SLC24A3: variants seen among roughly 807,000 people sequenced by gnomAD.
The protein encoded by SLC24A3 is sodium/potassium/calcium exchanger 3.
Under a neutral mutation model 75.8 loss-of-function variants are expected in SLC24A3, and 28 were observed. That is an observed-to-expected ratio of 0.37 (90% CI 0.27 to 0.51). The LOEUF (loss-of-function observed/expected upper bound fraction) is 0.51. Ranked by LOEUF, SLC24A3 falls within the 20% of genes least tolerant of loss-of-function variation. The pLI is 0.94. For synonymous variants in SLC24A3, 372 were observed against 334.1 expected (o/e 1.11, Z -1.24); for missense variants, 663 against 847.8 (o/e 0.78, Z 2.71).
intron 3 of SLC24A3, among the ~76,000 whole-genome samples, chr20:19,517,027 A>C (rs934955639): frequency 1.3e-5 from 2 of 152,214 alleles, no homozygotes; most frequent in African/African-American, 4.8e-5. Flanking sequence ...ACTCCCAAAA[A>C]AGGGAGCATG....
intron 2 of SLC24A3, among the ~76,000 whole-genome samples, chr20:19,418,125 A>C (rs541298127): frequency 6.6e-6 from 1 of 152,330 alleles, no homozygotes; most frequent in Admixed American, 6.5e-5. Flanking sequence ...ATGAAAAAAC[A>C]ACAAGGGATC....
Position 19,503,343 on chromosome 20 carries a change from T to C in SLC24A3, c.272-12145T>C, listed in dbSNP as rs541345412. 2.6e-4 allele frequency among the ~76,000 whole-genome samples: 39 copies of C among 152,356 alleles called. 1 individual carries two copies. The highest frequency in any genetic ancestry group is 2.5e-3 in the South Asian group (12 of 4,828). The stretch of plus-strand genomic sequence containing the variant: ...GAACAAATGAATTACATTTTTGGTT[T>C]GAATTAATTATGCTCTTTTCTTAAT... On this transcript the variant is annotated intron_variant, in intron 2 of 16. Transcript: ENST00000328041.
intron 1 of SLC24A3, among the ~76,000 whole-genome samples, chr20:19,275,832 C>T (rs755550051): frequency 9.9e-4 from 151 of 152,146 alleles, no homozygotes; most frequent in Admixed American, 5.2e-4. Flanking sequence ...CTCCTGTCCC[C>T]TCTTCTTAGA....
chr20:19,503,829 A>T (rs1006586226), intron 2 of SLC24A3, among the ~76,000 whole-genome samples: 9 of 152,254 alleles, frequency 5.9e-5, no homozygotes, highest in African/African-American at 1.9e-4. Flanking sequence ...TTCCCTGAAG[A>T]TACCAAATAC....
At chr20:19,432,332 C>A (rs1987118920) in intron 2 of SLC24A3, among the ~76,000 whole-genome samples, 2 of 148,824 alleles carry the variant, frequency 1.3e-5, no homozygotes, top group African/African-American at 4.9e-5. Flanking sequence ...TCCTAATAAA[C>A]AATTTTCAGA....
intron 14 of SLC24A3, 37 bp downstream of exon 14, chr20:19,696,948 AGGGAGGAGG>A: frequency 3.6e-6 from 2 of 551,414 alleles, no homozygotes; most frequent in Non-Finnish European, 6.5e-6. Flanking sequence ...GGAGGGAGGG[AGGGAGGAGG>A]AGAGGGAGGG....
intron 2 of SLC24A3, among the ~76,000 whole-genome samples, chr20:19,469,512 C>T (rs771869530): frequency 6.6e-6 from 1 of 152,122 alleles, no homozygotes; most frequent in Non-Finnish European, 1.5e-5. Flanking sequence ...GAGCACTCCA[C>T]GTAGCTGCAT....
intron 2 of SLC24A3, among the ~76,000 whole-genome samples, chr20:19,425,267 C>T (rs930715627): frequency 1.7e-4 from 25 of 151,472 alleles, no homozygotes; most frequent in African/African-American, 5.6e-4. Flanking sequence ...TGTGCCACTG[C>T]ACTCCAGCCT....
intron 6 of SLC24A3, among the ~76,000 whole-genome samples, chr20:19,646,920 T>C (rs1205702011): frequency 6.6e-6 from 1 of 152,090 alleles, no homozygotes; most frequent in Non-Finnish European, 1.5e-5. Context: ...CATTTTTGGT[T>C]AGACAGTCCT....
At chr20:19,354,002 A>G (rs1985627954) in intron 2 of SLC24A3, among the ~76,000 whole-genome samples, 1 of 152,242 alleles carries the variant, frequency 6.6e-6, no homozygotes, top group Non-Finnish European at 1.5e-5. Flanking sequence ...AGATGTTCAC[A>G]TGAATGTTTA....
chr20:19,693,217 TA>T (rs766234361), intron 12 of SLC24A3, 41 bp from the exon 13 acceptor site: 12 of 1,559,940 alleles, frequency 7.7e-6, no homozygotes, highest in South Asian at 2.3e-5. Flanking sequence ...GGTTCTTTGT[TA>T]TTTTTTTTTT....
intron 2 of SLC24A3, among the ~76,000 whole-genome samples, chr20:19,432,269 GTT>G (rs1284900940): frequency 2.9e-5 from 3 of 105,116 alleles, no homozygotes; most frequent in East Asian, 9.0e-4. Flanking sequence ...ATATATATCT[GTT>G]TTATATATAT....
At position 19,646,589 on chromosome 20, in the gene SLC24A3, A is replaced by G. The variant is rs556641400; in HGVS notation, c.613-7473A>G. 2.0e-5 allele frequency among the ~76,000 whole-genome samples: 3 copies of G among 152,314 alleles called. No homozygotes were observed. The East Asian group carries it at 5.8e-4, about 29-fold the overall frequency. ...AATAGCGTTTTTATTGAAGCACCAC[A>G]TACACTTAGGAAAGTGCACCTGTCC... On this transcript the variant is annotated intron_variant, in intron 6 of 16. Transcript: ENST00000328041.
chr20:19,215,332 A>T lies in SLC24A3; in HGVS notation c.142+2348A>T, dbSNP rs527251533. ...CTGAGTGATTAGCTTAAAGTCACAC[A>T]GCATTCGAAGAGTAGAGGAAAAAAC... On this transcript the variant is annotated intron_variant, in intron 1 of 16. Transcript: ENST00000328041. Among the ~76,000 whole-genome samples the T allele has an allele frequency of 2.6e-5, 4 of 152,178 alleles. No homozygotes were observed. In the East Asian group the frequency reaches 5.8e-4, roughly 22 times the overall value.
intron 2 of SLC24A3, among the ~76,000 whole-genome samples, chr20:19,508,727 T>C (rs1988495558): frequency 1.3e-5 from 2 of 152,056 alleles, no homozygotes; most frequent in Non-Finnish European, 2.9e-5. Context: ...GAAAGGAAAA[T>C]TGGGGGATGA....
At chr20:19,524,317 T>A (rs936841121) in intron 3 of SLC24A3, among the ~76,000 whole-genome samples, 2 of 152,178 alleles carry the variant, frequency 1.3e-5, no homozygotes, top group Non-Finnish European at 2.9e-5. Context: ...CTTCAGGACG[T>A]ACAGAATCCT....
At chr20:19,704,777 G>A (rs1467745468) in intron 15 of SLC24A3, among the ~76,000 whole-genome samples, 1 of 152,162 alleles carries the variant, frequency 6.6e-6, no homozygotes, top group Non-Finnish European at 1.5e-5. Context: ...GAGGCAGGAT[G>A]TGTCCTAGAA....
intron 2 of SLC24A3, among the ~76,000 whole-genome samples, chr20:19,306,944 A>G (rs555433114): frequency 6.6e-6 from 1 of 152,370 alleles, no homozygotes; most frequent in African/African-American, 2.4e-5. Context: ...GTAGAGGTTT[A>G]CGTTTCACTG....
At chr20:19,566,700 AG>A (rs1300751453) in intron 3 of SLC24A3, among the ~76,000 whole-genome samples, 2 of 152,246 alleles carry the variant, frequency 1.3e-5, no homozygotes, top group Non-Finnish European at 2.9e-5. Context: ...GACTCAAACC[AG>A]GAAGGTATCT....
Sources: gnomAD v4.1 joint callset for allele counts (sites outside exome capture counted in the v4.1 genomes callset) on GRCh38, gnomAD v4.1.1 for gene constraint, MANE v1.5 for transcripts, NCBI Gene and HGNC (gene_info 2026-07-23, HGNC 2026-07-21) for gene names.